Variants in SEMA3D observed in about 807,000 individuals in gnomAD.
The protein encoded by SEMA3D is semaphorin 3D, also known as semaphorin-3D.
In SEMA3D, 84 loss-of-function variants were observed where a neutral mutation model predicts 100.1. That is an observed-to-expected ratio of 0.84 (90% CI 0.70 to 1.01). The LOEUF (loss-of-function observed/expected upper bound fraction) is 1.01, where lower values mean the gene tolerates loss of function less well. Among genes scored for constraint, SEMA3D ranks in the 50% least tolerant of loss-of-function variants. The pLI, the probability that SEMA3D is intolerant of heterozygous loss-of-function variation, is 0.00. For synonymous variants in SEMA3D, 312 were observed against 320.7 expected (o/e 0.97, Z 0.29); for missense variants, 875 against 934.1 (o/e 0.94, Z 0.82).
chr7:85,022,103 G>T (rs1790271353), intron 13 of SEMA3D, among the ~76,000 whole-genome samples: 1 of 151,788 alleles, frequency 6.6e-6, no homozygotes, highest in Non-Finnish European at 1.5e-5. Flanking sequence ...ACATTACTTT[G>T]CCCTACTTGT....
intron 2 of SEMA3D, among the ~76,000 whole-genome samples, chr7:85,150,841 A>G (rs1226085466): frequency 6.6e-6 from 1 of 152,044 alleles, no homozygotes; most frequent in Non-Finnish European, 1.5e-5. Context: ...GGATCCAAAG[A>G]TGACTTTCTT....
chr7:85,224,197 T>C, the SEMA3D span, among the ~76,000 whole-genome samples: 2 of 152,190 alleles, frequency 1.3e-5, no homozygotes, highest in Non-Finnish European at 2.9e-5. Flanking sequence ...GGTCTACTTA[T>C]AAAATTGCCG....
the SEMA3D span, among the ~76,000 whole-genome samples, chr7:85,208,408 TA>T: frequency 6.6e-6 from 1 of 152,072 alleles, no homozygotes; most frequent in Non-Finnish European, 1.5e-5. Flanking sequence ...TAGTGCACCA[TA>T]ATGCCAAATT....
At chr7:85,052,973 A>G (rs1791208536) in intron 9 of SEMA3D, among the ~76,000 whole-genome samples, 1 of 151,958 alleles carries the variant, frequency 6.6e-6, no homozygotes, top group Non-Finnish European at 1.5e-5. Context: ...GTCTAATAGT[A>G]TCTTTGACCG....
the SEMA3D span, among the ~76,000 whole-genome samples, chr7:85,238,817 C>A: frequency 6.6e-6 from 1 of 152,138 alleles, no homozygotes; most frequent in Non-Finnish European, 1.5e-5. Flanking sequence ...AGTCTTCCTG[C>A]ACATGAATAT....
chr7:85,054,716 C>G (rs1277022100), intron 9 of SEMA3D, among the ~76,000 whole-genome samples: 1 of 152,040 alleles, frequency 6.6e-6, no homozygotes, highest in Non-Finnish European at 1.5e-5. Context: ...GTGATAGGTT[C>G]AGATAGAAGA....
chr7:85,236,276 TTTTATTTTATTTA>T, the SEMA3D span, among the ~76,000 whole-genome samples: 11 of 139,110 alleles, frequency 7.9e-5, no homozygotes, highest in African/African-American at 3.3e-4. Flanking sequence ...TTTTATTTTA[TTTTATTTTATTTA>T]TTTATTTATT....
chr7:85,079,115 A>T (rs1787975979), intron 5 of SEMA3D, among the ~76,000 whole-genome samples: 1 of 152,204 alleles, frequency 6.6e-6, no homozygotes, highest in Admixed American at 6.5e-5. Context: ...CAGATGCATG[A>T]TATTGGGCAA....
At chr7:85,059,055 A>G (rs1223015706) in intron 8 of SEMA3D, among the ~76,000 whole-genome samples, 2 of 152,194 alleles carry the variant, frequency 1.3e-5, no homozygotes, top group Admixed American at 1.3e-4. Flanking sequence ...CAATGAACAG[A>G]GAAAAACAAC....
the SEMA3D span, among the ~76,000 whole-genome samples, chr7:85,245,726 AT>A: frequency 6.6e-6 from 1 of 152,136 alleles, no homozygotes; most frequent in African/African-American, 2.4e-5. Flanking sequence ...ATAAGATTAA[AT>A]GGGTACAACA....
At chr7:85,184,257 T>C (rs1371285914) in intron 1 of SEMA3D, among the ~76,000 whole-genome samples, 2 of 152,154 alleles carry the variant, frequency 1.3e-5, no homozygotes, top group Non-Finnish European at 1.5e-5. Flanking sequence ...TTGAAGTTTC[T>C]GAAAGGAGAC....
the SEMA3D span, among the ~76,000 whole-genome samples, chr7:85,221,365 T>G: frequency 2.6e-5 from 4 of 152,094 alleles, no homozygotes; most frequent in Admixed American, 2.6e-4. Context: ...CTTCAATATA[T>G]CCTCACTTTA....
intron 18 of SEMA3D, among the ~76,000 whole-genome samples, chr7:85,000,677 G>T (rs10274097): frequency 0.025 from 3,854 of 152,246 alleles, 179 homozygotes; most frequent in African/African-American, 0.088. Flanking sequence ...AAAGCACAAT[G>T]AACACAAAGA....
chr7:85,166,264 C>G (rs1415801504), intron 1 of SEMA3D, among the ~76,000 whole-genome samples: 1 of 151,944 alleles, frequency 6.6e-6, no homozygotes, highest in Non-Finnish European at 1.5e-5. Context: ...TAAAGTTTTA[C>G]TAACAATGAT....
At chr7:85,231,602 C>T in the SEMA3D span, among the ~76,000 whole-genome samples, 2 of 152,036 alleles carry the variant, frequency 1.3e-5, no homozygotes, top group African/African-American at 2.4e-5. Context: ...AGGCGTCTGC[C>T]ACCACACCCG....
chr7:85,186,445 G>T (rs575738745), intron 1 of SEMA3D, among the ~76,000 whole-genome samples: 1 of 152,268 alleles, frequency 6.6e-6, no homozygotes, highest in Non-Finnish European at 1.5e-5. Flanking sequence ...GTGGGACTGC[G>T]CCCCAGGGGC....
chr7:85,182,437 C>T (rs1015285912), intron 1 of SEMA3D, among the ~76,000 whole-genome samples: 3 of 152,122 alleles, frequency 2.0e-5, no homozygotes, highest in African/African-American at 7.2e-5. Context: ...CTATTACCTA[C>T]TTAAACAATT....
At chr7:85,066,921 G>GAGAGAGAGAGAGAGAA (rs1791643397) in intron 7 of SEMA3D, among the ~76,000 whole-genome samples, 7 of 114,012 alleles carry the variant, frequency 6.1e-5, no homozygotes, top group African/African-American at 3.7e-4. Context: ...CACAGAGAGA[G>GAGAGAGAGAGAGAGAA]AGAGAGAGAG....
Position 85,040,733 on chromosome 7 carries a change from T to C in SEMA3D, c.986A>G (p.Tyr329Cys), listed in dbSNP as rs1425271706. Residue 329 changes from tyrosine to cysteine, a missense_variant, in exon 11 of 19, where the codon TAT becomes TGT. Coordinates refer to ENST00000284136, the MANE Select transcript of SEMA3D (RefSeq NM_001384900.1). Reference protein sequence around the residue: ...DTYFDELQDIYLLPTRDERNP... With the variant: ...DTYFDELQDICLLPTRDERNP... ...TCTTTCATCTCTTGTGGGGAGTAAA[T>C]AAATATCTTCTATTAAAGGGGAAAA... 1 of 1,371,794 alleles carries C rather than the reference T, an allele frequency of 7.3e-7. No homozygotes were observed. The highest frequency in any genetic ancestry group is 1.0e-6 in the Non-Finnish European group (1 of 963,002). The allele number at this position is 1,371,794 out of a possible 1,614,324, so 85.0% of individuals were successfully genotyped here. A position where few individuals can be genotyped will look rare whatever the true frequency, so the allele number is the denominator to read the frequency against.
Sources: gnomAD v4.1 joint callset for allele counts (sites outside exome capture counted in the v4.1 genomes callset) on GRCh38, gnomAD v4.1.1 for gene constraint, MANE v1.5 for transcripts, NCBI Gene and HGNC (gene_info 2026-07-23, HGNC 2026-07-21) for gene names.